TRIM44: variants seen among roughly 807,000 people sequenced by gnomAD.
TRIM44 encodes tripartite motif containing 44, also known as tripartite motif-containing protein 44.
Under a neutral mutation model 37.4 loss-of-function variants are expected in TRIM44, and 13 were observed. The observed-to-expected ratio is 0.35, with a 90% CI of 0.23 to 0.55. TRIM44 has a LOEUF of 0.55. Among genes scored for constraint, TRIM44 ranks in the 20% least tolerant of loss-of-function variants. TRIM44 has a pLI of 0.89. For missense variants in TRIM44, 426 were observed against 437.2 expected, an observed-to-expected ratio of 0.97 and a Z score of 0.23; for synonymous variants, 175 against 157.2, an observed-to-expected ratio of 1.11 and a Z score of -0.85.
chr11:35,686,131 C>T (rs867551342), intron 2 of TRIM44, among the ~76,000 whole-genome samples: 18 of 151,728 alleles, frequency 1.2e-4, no homozygotes, highest in African/African-American at 1.9e-4. Context: ...TTAAGTGTCC[C>T]GGCTTTTTTT....
intron 4 of TRIM44, among the ~76,000 whole-genome samples, chr11:35,770,672 G>A (rs944406677): frequency 1.3e-5 from 2 of 152,072 alleles, no homozygotes; most frequent in South Asian, 2.1e-4. Flanking sequence ...CCATATGTTT[G>A]TTGGCCGCTT....
chr11:35,788,110 C>G (rs1853153089), intron 4 of TRIM44, among the ~76,000 whole-genome samples: 2 of 152,160 alleles, frequency 1.3e-5, no homozygotes, highest in South Asian at 4.2e-4. Context: ...ACCAAGTTCC[C>G]CTTGGTCCTA....
intron 4 of TRIM44, among the ~76,000 whole-genome samples, chr11:35,803,231 T>C (rs1027478378): frequency 1.3e-5 from 2 of 151,206 alleles, no homozygotes; most frequent in African/African-American, 4.9e-5. Context: ...GGTAAGTACC[T>C]GCTATAGAAC....
chr11:35,716,777 T>C (rs2135510983), intron 2 of TRIM44, among the ~76,000 whole-genome samples: 1 of 152,136 alleles, frequency 6.6e-6, no homozygotes, highest in East Asian at 1.9e-4. Context: ...TGTAGGAGAA[T>C]AATGTTGGGT....
chr11:35,754,215 G>A (rs1852595839), intron 4 of TRIM44, among the ~76,000 whole-genome samples: 1 of 152,128 alleles, frequency 6.6e-6, no homozygotes, highest in Non-Finnish European at 1.5e-5. Flanking sequence ...TAAAAGAGAG[G>A]CATGCTAATA....
intron 1 of TRIM44, among the ~76,000 whole-genome samples, chr11:35,666,830 TG>T (rs149169533): frequency 0.058 from 8,809 of 152,272 alleles, 822 homozygotes; most frequent in African/African-American, 0.2. Context: ...TTTTATATAT[TG>T]TTTTTTTGTG....
chr11:35,741,701 G>A (rs912483440), intron 4 of TRIM44, among the ~76,000 whole-genome samples: 4 of 152,094 alleles, frequency 2.6e-5, no homozygotes, highest in African/African-American at 7.2e-5. Context: ...ATTTGGCCTC[G>A]GAACTTATCA....
chr11:35,686,389 A>G (rs1299151360), intron 2 of TRIM44, among the ~76,000 whole-genome samples: 1 of 138,044 alleles, frequency 7.2e-6, no homozygotes, highest in African/African-American at 2.8e-5. Flanking sequence ...TTTTTTTTTT[A>G]AGAGGAATGG....
chr11:35,673,269 G>C (rs1851420621), intron 1 of TRIM44, among the ~76,000 whole-genome samples: 1 of 152,198 alleles, frequency 6.6e-6, no homozygotes, highest in Non-Finnish European at 1.5e-5. Context: ...ATATTGGGCA[G>C]AGACCTGAAT....
Position 35,662,967 on chromosome 11 carries a change from AGGTC to A in TRIM44, c.-144_-141del. The A allele has an allele frequency of 7.5e-7, 1 of 1,336,246 alleles. No individual in the cohort carries two copies. Among genetic ancestry groups the A allele is most frequent in the Non-Finnish European group, 9.6e-7 (1 of 1,037,306 alleles). The allele number at this position is 1,336,246 out of a possible 1,614,324, so 82.8% of individuals were successfully genotyped here. On this transcript the variant is annotated 5_prime_UTR_variant, in exon 1 of 5. Coordinates refer to ENST00000299413, the MANE Select transcript of TRIM44 (RefSeq NM_017583.6). ...CCCGGGCAGGGGCTGCCGCGGCCCC[AGGTC>A]CCGCTTCGAGACGCGGCGCGGTCCA... is the stretch of plus-strand genomic sequence containing the variant.
chr11:35,765,589 A>G (rs1432460934), intron 4 of TRIM44, among the ~76,000 whole-genome samples: 1 of 152,160 alleles, frequency 6.6e-6, no homozygotes, highest in East Asian at 1.9e-4. Context: ...TTGCCTCACT[A>G]TTTAAGTCCT....
intron 1 of TRIM44, among the ~76,000 whole-genome samples, chr11:35,681,488 G>A (rs1462401045): frequency 6.6e-6 from 1 of 152,112 alleles, no homozygotes; most frequent in Non-Finnish European, 1.5e-5. Context: ...TCTTAGGGGA[G>A]GAACAAGGTA....
chr11:35,686,046 C>T (rs1851573634), intron 2 of TRIM44, among the ~76,000 whole-genome samples: 1 of 152,218 alleles, frequency 6.6e-6, no homozygotes, highest in African/African-American at 2.4e-5. Context: ...TCTTATCTCT[C>T]CACTGCTTCC....
At chr11:35,695,034 A>G (rs1285352732) in intron 2 of TRIM44, among the ~76,000 whole-genome samples, 16 of 152,168 alleles carry the variant, frequency 1.1e-4, no homozygotes, top group Non-Finnish European at 1.3e-4. Flanking sequence ...TTTTTATAAA[A>G]TGTTTAAATG....
At chr11:35,721,152 C>T (rs1247395064) in intron 2 of TRIM44, among the ~76,000 whole-genome samples, 3 of 152,136 alleles carry the variant, frequency 2.0e-5, no homozygotes, top group South Asian at 2.1e-4. Context: ...GATCCACCCA[C>T]GTCAACCTCC....
At chr11:35,780,220 C>T (rs1853044580) in intron 4 of TRIM44, among the ~76,000 whole-genome samples, 1 of 152,116 alleles carries the variant, frequency 6.6e-6, no homozygotes, top group South Asian at 2.1e-4. Flanking sequence ...AATCAGCACC[C>T]AGAGTTATTT....
In TRIM44 at chr11:35,772,715, C is replaced by A. The variant is rs542448516; in HGVS notation, c.1008-33643C>A. ...ACAGGTAGAACTCAGTGTGCCTGTA[C>A]CCCCATTGTATCTAGGAAGTAACTA... On this transcript the variant is annotated intron_variant, in intron 4 of 4. Transcript: ENST00000299413. Among the ~76,000 whole-genome samples, 242 of 152,286 alleles carry A rather than the reference C, an allele frequency of 1.6e-3. 2 individuals are homozygous for A. Among genetic ancestry groups the A allele is most frequent in the Non-Finnish European group, 2.9e-3 (200 of 68,018 alleles).
rs1853476992 is a variant in TRIM44, at chr11:35,808,006, C to A, written c.*1621C>A. On this transcript the variant is annotated 3_prime_UTR_variant, in exon 5 of 5. Transcript: ENST00000299413. ...GCTTTAGGACCAGCTGATTGTTATG[C>A]TTGCAGGATGGTTTTGAAACAGAAA... 1 of 152,074 alleles carries A rather than the reference C, an allele frequency of 6.6e-6. No homozygotes were observed. Among genetic ancestry groups the A allele is most frequent in the Non-Finnish European group, 1.5e-5 (1 of 68,006 alleles). The allele number at this position is 152,074 out of a possible 1,614,324, so 9.4% of individuals were successfully genotyped here.
chr11:35,716,106 A>G (rs1478406448), intron 2 of TRIM44, among the ~76,000 whole-genome samples: 3 of 152,206 alleles, frequency 2.0e-5, no homozygotes, highest in Non-Finnish European at 2.9e-5. Context: ...GAAAAAGACT[A>G]TATAAGAGAA....
Sources: allele counts gnomAD v4.1 joint callset (sites outside exome capture counted in the v4.1 genomes callset), GRCh38; gene constraint gnomAD v4.1.1; transcripts MANE v1.5; gene names NCBI Gene and HGNC (gene_info 2026-07-23, HGNC 2026-07-21).